The following HCN1 variants were observed in gnomAD, a reference collection of about 807,000 sequenced individuals.
HCN1 encodes hyperpolarization activated cyclic nucleotide gated potassium channel 1.
HCN1 carries 13 observed loss-of-function variants against 78.9 expected under a neutral mutation model. The ratio of observed to expected loss-of-function variants is 0.16; its 90% CI spans 0.11 to 0.26. The LOEUF (loss-of-function observed/expected upper bound fraction) is 0.26. HCN1 is among the 10% of genes least tolerant of loss of function. The probability of loss-of-function intolerance (pLI) is 1.00; values close to 1 mark genes in which losing one functional copy is unlikely to be tolerated. For synonymous variants in HCN1, 552 were observed against 455.5 expected, an observed-to-expected ratio of 1.21 and a Z score of -2.70; for missense variants, 810 against 1,154.3, an observed-to-expected ratio of 0.70 and a Z score of 4.32.
chr5:45,638,763 C>T (rs570098266), intron 2 of HCN1, among the ~76,000 whole-genome samples: 58 of 152,130 alleles, frequency 3.8e-4, no homozygotes, highest in African/African-American at 1.2e-3. Flanking sequence ...ATTAGCCAGG[C>T]GTGTTGGGGG....
At chr5:45,378,903 G>A (rs1747746302) in intron 4 of HCN1, among the ~76,000 whole-genome samples, 1 of 152,042 alleles carries the variant, frequency 6.6e-6, no homozygotes, top group East Asian at 1.9e-4. Flanking sequence ...ATAGTTTGCT[G>A]AGAATGATGG....
chr5:45,314,370 C>T (rs537888562), intron 5 of HCN1, among the ~76,000 whole-genome samples: 1 of 152,140 alleles, frequency 6.6e-6, no homozygotes, highest in Non-Finnish European at 1.5e-5. Context: ...AAGCACTAAA[C>T]ATGGAAAGGA....
At chr5:45,578,082 A>G (rs2111914489) in intron 2 of HCN1, among the ~76,000 whole-genome samples, 1 of 152,126 alleles carries the variant, frequency 6.6e-6, no homozygotes, top group East Asian at 1.9e-4. Flanking sequence ...GAGAGGAAGG[A>G]TATTTTTGTC....
At chr5:45,339,289 T>C (rs76590587) in intron 5 of HCN1, among the ~76,000 whole-genome samples, 4,539 of 152,212 alleles carry the variant, frequency 0.03, 266 homozygotes, top group African/African-American at 0.1. Context: ...TGATAAATGC[T>C]GTGAGAGAGA....
chr5:45,394,134 G>T (rs1269443886), intron 4 of HCN1, among the ~76,000 whole-genome samples: 1 of 152,126 alleles, frequency 6.6e-6, no homozygotes, highest in East Asian at 1.9e-4. Flanking sequence ...AGCTCATGTG[G>T]TTGGGAGACA....
intron 3 of HCN1, among the ~76,000 whole-genome samples, chr5:45,460,180 TTGGGAGG>T (rs1741116847): frequency 6.6e-6 from 1 of 152,132 alleles, no homozygotes; most frequent in African/African-American, 2.4e-5. Context: ...TACAACAATG[TTGGGAGG>T]TGGGGTCTAA....
intron 4 of HCN1, among the ~76,000 whole-genome samples, chr5:45,373,063 T>C (rs1471957831): frequency 7.4e-6 from 1 of 134,534 alleles, no homozygotes; most frequent in Non-Finnish European, 1.6e-5. Flanking sequence ...ATATATAAAA[T>C]ATATGTAGTA....
intron 6 of HCN1, among the ~76,000 whole-genome samples, chr5:45,300,808 T>C (rs1486118070): frequency 6.6e-6 from 1 of 152,112 alleles, no homozygotes; most frequent in Admixed American, 6.6e-5. Flanking sequence ...ATTAATTCTC[T>C]GCACTTTCTA....
intron 3 of HCN1, among the ~76,000 whole-genome samples, chr5:45,439,770 G>C (rs1740634852): frequency 6.6e-6 from 1 of 151,876 alleles, no homozygotes; most frequent in African/African-American, 2.4e-5. Context: ...GCTAGCTAAT[G>C]ATTTTATGTG....
At chr5:45,302,259 C>G (rs1008617295) in intron 6 of HCN1, among the ~76,000 whole-genome samples, 3 of 142,476 alleles carry the variant, frequency 2.1e-5, no homozygotes, top group Non-Finnish European at 3.0e-5. Context: ...AGGGAGTTCT[C>G]AGGAGTTCTG....
intron 3 of HCN1, among the ~76,000 whole-genome samples, chr5:45,423,739 C>T (rs1424420906): frequency 2.6e-5 from 4 of 152,166 alleles, no homozygotes; most frequent in South Asian, 4.1e-4. Context: ...TAGGACTTCT[C>T]GCAGTGCCTA....
At chr5:45,281,331 G>T (rs2111868752) in intron 6 of HCN1, among the ~76,000 whole-genome samples, 1 of 151,748 alleles carries the variant, frequency 6.6e-6, no homozygotes, top group East Asian at 2.0e-4. Flanking sequence ...TCTCTCTCCT[G>T]CTCCACCATG....
Position 45,365,778 on chromosome 5 carries a change from T to C in HCN1, c.1231-12532A>G, listed in dbSNP as rs557498907. Among the ~76,000 whole-genome samples, 6 of 151,744 alleles carry C rather than the reference T, an allele frequency of 4.0e-5. 1 individual carries two copies. Among genetic ancestry groups the C allele is most frequent in the African/African-American group, 1.4e-4 (6 of 41,460 alleles). Reference sequence around the variant, plus strand: ...GAGAATCTCCATATCGTTTTACTTATTTTTTTTAAAAAAGACTTCTAATGA... The same window carrying C: ...GAGAATCTCCATATCGTTTTACTTACTTTTTTTAAAAAAGACTTCTAATGA... On this transcript the variant is annotated intron_variant, in intron 4 of 7. Transcript: ENST00000303230.
At chr5:45,547,039 T>C (rs1363286064) in intron 2 of HCN1, among the ~76,000 whole-genome samples, 2 of 151,980 alleles carry the variant, frequency 1.3e-5, no homozygotes, top group African/African-American at 4.8e-5. Context: ...TATGATTCTC[T>C]ACATTAGTAC....
chr5:45,383,452 T>C (rs929409521), intron 4 of HCN1, among the ~76,000 whole-genome samples: 2 of 152,146 alleles, frequency 1.3e-5, no homozygotes, highest in African/African-American at 4.8e-5. Flanking sequence ...TCCCAGAATT[T>C]TGGGAGGCCG....
At chr5:45,659,612 A>G (rs1390160853) in intron 1 of HCN1, among the ~76,000 whole-genome samples, 1 of 146,314 alleles carries the variant, frequency 6.8e-6, no homozygotes, top group African/African-American at 2.6e-5. Flanking sequence ...TGCTTAAAGG[A>G]GCTGATGGAG....
At chr5:45,443,026 T>A (rs1740710385) in intron 3 of HCN1, among the ~76,000 whole-genome samples, 1 of 152,198 alleles carries the variant, frequency 6.6e-6, no homozygotes, top group African/African-American at 2.4e-5. Context: ...GAGAATTAAG[T>A]TTTCTTGTTA....
At chr5:45,635,713 A>C (rs1745344431) in intron 2 of HCN1, among the ~76,000 whole-genome samples, 1 of 152,128 alleles carries the variant, frequency 6.6e-6, no homozygotes, top group South Asian at 2.1e-4. Flanking sequence ...TAAATTGCAC[A>C]CATCAGCAAG....
intron 2 of HCN1, among the ~76,000 whole-genome samples, chr5:45,539,939 T>G (rs972522374): frequency 2.1e-5 from 3 of 143,972 alleles, no homozygotes; most frequent in African/African-American, 5.2e-5. Context: ...TATATATATA[T>G]ATATATATAT....
Sources: allele counts gnomAD v4.1 joint callset (sites outside exome capture counted in the v4.1 genomes callset), GRCh38; gene constraint gnomAD v4.1.1; transcripts MANE v1.5; gene names NCBI Gene and HGNC (gene_info 2026-07-23, HGNC 2026-07-21).